Variants in KDM4C observed in about 807,000 individuals in gnomAD.
KDM4C encodes the protein lysine demethylase 4C, also known as lysine-specific demethylase 4C.
In KDM4C, 81 loss-of-function variants were observed where a neutral mutation model predicts 129.3. The ratio of observed to expected loss-of-function variants is 0.63; its 90% CI spans 0.52 to 0.75. KDM4C has a LOEUF of 0.75. Ranked by LOEUF, KDM4C falls within the 30% of genes least tolerant of loss-of-function variation. The probability of loss-of-function intolerance (pLI) is 0.00; values close to 1 mark genes in which losing one functional copy is unlikely to be tolerated. For synonymous variants in KDM4C, 573 were observed against 456.1 expected, an observed-to-expected ratio of 1.26 and a Z score of -3.26; for missense variants, 1,457 against 1,304.0, an observed-to-expected ratio of 1.12 and a Z score of -1.81.
At chr9:6,901,788 C>G (rs1289603240) in intron 8 of KDM4C, among the ~76,000 whole-genome samples, 1 of 152,178 alleles carries the variant, frequency 6.6e-6, no homozygotes, top group Non-Finnish European at 1.5e-5. Context: ...CATTTCGTGA[C>G]ACATATTTAC....
intron 8 of KDM4C, among the ~76,000 whole-genome samples, chr9:6,927,792 G>C (rs1183347450): frequency 6.6e-6 from 1 of 152,146 alleles, no homozygotes; most frequent in Non-Finnish European, 1.5e-5. Context: ...TTAGCATTGT[G>C]TCTCACCAAT....
At chr9:6,723,855 ATT>A (rs1817038693) in intron 1 of KDM4C, 1 of 152,164 alleles carries the variant, frequency 6.6e-6, no homozygotes, top group Admixed American at 6.6e-5. Flanking sequence ...ATGATGTTTT[ATT>A]TAGTGAACAG....
intron 18 of KDM4C, among the ~76,000 whole-genome samples, chr9:7,112,612 C>T (rs1321773546): frequency 6.6e-6 from 1 of 152,148 alleles, no homozygotes; most frequent in African/African-American, 2.4e-5. Context: ...TTCAGTGTGC[C>T]CATCTAATGC....
intron 19 of KDM4C, among the ~76,000 whole-genome samples, chr9:7,155,231 A>G (rs2130213546): frequency 6.6e-6 from 1 of 152,264 alleles, no homozygotes; most frequent in South Asian, 2.1e-4. Flanking sequence ...GAACCCAAGG[A>G]TATGTGAACC....
chr9:6,885,720 G>A (rs1321849190), intron 6 of KDM4C, among the ~76,000 whole-genome samples: 1 of 152,048 alleles, frequency 6.6e-6, no homozygotes, highest in Non-Finnish European at 1.5e-5. Context: ...AGCCCTGCAG[G>A]TATTTTGAGG....
intron 19 of KDM4C, among the ~76,000 whole-genome samples, chr9:7,154,847 C>T (rs1194435424): frequency 3.3e-5 from 5 of 152,188 alleles, no homozygotes; most frequent in Non-Finnish European, 5.9e-5. Context: ...TGGTAGATTT[C>T]AGGCGAGTTT....
upstream of KDM4C, chr9:6,757,701 C>T: frequency 3.0e-6 from 3 of 985,558 alleles, no homozygotes; most frequent in Non-Finnish European, 3.6e-6. Context: ...TCAGGTCCAG[C>T]CCTGCGGGAC....
intron 1 of KDM4C, among the ~76,000 whole-genome samples, chr9:6,783,935 G>T (rs1406291518): frequency 3.3e-5 from 5 of 152,158 alleles, no homozygotes; most frequent in Non-Finnish European, 7.3e-5. Context: ...GGGGAGAGAA[G>T]GCTGTAGCTT....
chr9:7,153,755 G>T (rs760275393), intron 19 of KDM4C, among the ~76,000 whole-genome samples: 1 of 152,192 alleles, frequency 6.6e-6, no homozygotes, highest in Non-Finnish European at 1.5e-5. Context: ...TTAGTGAAAG[G>T]TTATTGGGGA....
chr9:6,932,792 T>A (rs1282995394), intron 8 of KDM4C, among the ~76,000 whole-genome samples: 1 of 152,200 alleles, frequency 6.6e-6, no homozygotes, highest in Non-Finnish European at 1.5e-5. Flanking sequence ...GAGGTGCCAA[T>A]GGCATCAGCG....
At chr9:6,757,163 A>T (rs1034558770), upstream of KDM4C, among the ~76,000 whole-genome samples, 2 of 152,278 alleles carry the variant, frequency 1.3e-5, no homozygotes, top group Admixed American at 6.5e-5. Flanking sequence ...ACAGAGGAAA[A>T]GCAACAAGTT....
At chr9:6,995,587 C>T (rs149361373) in intron 12 of KDM4C, among the ~76,000 whole-genome samples, 1,789 of 152,238 alleles carry the variant, frequency 0.012, 27 homozygotes, top group Non-Finnish European at 0.015. Context: ...AAATACAGTT[C>T]AGCTAGGTTT....
intron 5 of KDM4C, among the ~76,000 whole-genome samples, chr9:6,875,096 TTTTCTGC>T (rs1363070863): frequency 6.6e-6 from 1 of 152,188 alleles, no homozygotes; most frequent in Non-Finnish European, 1.5e-5. Flanking sequence ...TTCCTTCCCA[TTTTCTGC>T]TTTCGTGATT....
chr9:6,908,131 C>G (rs933896995), intron 8 of KDM4C, among the ~76,000 whole-genome samples: 4 of 152,082 alleles, frequency 2.6e-5, no homozygotes, highest in South Asian at 2.1e-4. Context: ...ATGGATGTAA[C>G]TTAATGTAGT....
chr9:6,947,579 G>C (rs7026745), intron 8 of KDM4C, among the ~76,000 whole-genome samples: 112,683 of 151,842 alleles, frequency 0.74, 42,291 homozygotes, highest in East Asian at 1. Context: ...TAATTTTTTT[G>C]TAAACCCATC....
intron 19 of KDM4C, among the ~76,000 whole-genome samples, chr9:7,153,583 A>G (rs1391815136): frequency 1.3e-5 from 2 of 152,074 alleles, no homozygotes; most frequent in African/African-American, 2.4e-5. Flanking sequence ...GGGCCTTTGC[A>G]TGGTGTGGGA....
At chr9:6,874,815 G>T (rs1843313335) in intron 5 of KDM4C, among the ~76,000 whole-genome samples, 1 of 151,994 alleles carries the variant, frequency 6.6e-6, no homozygotes, top group East Asian at 1.9e-4. Flanking sequence ...GACTGGCACA[G>T]TGGCCTGTGG....
intron 5 of KDM4C, among the ~76,000 whole-genome samples, chr9:6,854,864 G>C (rs748008215): frequency 6.6e-6 from 1 of 152,138 alleles, no homozygotes; most frequent in African/African-American, 2.4e-5. Context: ...TGTCAGTCTT[G>C]AGTTTTGCAA....
intron 9 of KDM4C, chr9:6,982,561 A>T (rs1160051450): frequency 6.6e-6 from 1 of 152,230 alleles, no homozygotes; most frequent in African/African-American, 2.4e-5. Context: ...TGTGGGTTAC[A>T]TTCAAGAAAA....
Sources: allele counts gnomAD v4.1 joint callset (sites outside exome capture counted in the v4.1 genomes callset), GRCh38; gene constraint gnomAD v4.1.1; transcripts MANE v1.5; gene names NCBI Gene and HGNC (gene_info 2026-07-23, HGNC 2026-07-21).